GALNT13: variants seen among roughly 807,000 people sequenced by gnomAD.
The protein encoded by GALNT13 is UDP-GalNAc:polypeptide N-acetylgalactosaminyltransferase 13.
Under a neutral mutation model 64.2 loss-of-function variants are expected in GALNT13, and 28 were observed. The ratio of observed to expected loss-of-function variants is 0.44; its 90% CI spans 0.32 to 0.60. GALNT13 has a LOEUF of 0.60. Ranked by LOEUF, GALNT13 falls within the 20% of genes least tolerant of loss-of-function variation. The pLI is 0.05. For missense variants in GALNT13, 577 were observed against 669.8 expected, an observed-to-expected ratio of 0.86 and a Z score of 1.53; for synonymous variants, 214 against 224.6, an observed-to-expected ratio of 0.95 and a Z score of 0.42.
At chr2:153,452,592 T>TCATA in the GALNT13 span, among the ~76,000 whole-genome samples, 1 of 151,828 alleles carries the variant, frequency 6.6e-6, no homozygotes, top group Admixed American at 6.6e-5. Flanking sequence ...ATCATTTAAA[T>TCATA]CATAATAGAA....
chr2:153,574,839 C>A, the GALNT13 span, among the ~76,000 whole-genome samples: 1 of 151,534 alleles, frequency 6.6e-6, no homozygotes, highest in Admixed American at 6.6e-5. Flanking sequence ...TGAAGGATTG[C>A]ATATTTCTGT....
chr2:154,248,614 A>G (rs1689909526), intron 7 of GALNT13, among the ~76,000 whole-genome samples: 2 of 152,172 alleles, frequency 1.3e-5, no homozygotes, highest in African/African-American at 4.8e-5. Flanking sequence ...AATTACCAAC[A>G]CTTTAAAAAT....
At chr2:153,490,708 C>T in the GALNT13 span, among the ~76,000 whole-genome samples, 1 of 152,080 alleles carries the variant, frequency 6.6e-6, no homozygotes, top group Non-Finnish European at 1.5e-5. Flanking sequence ...ACCTGTAATC[C>T]CAGCACTCTG....
At chr2:153,912,250 A>G (rs1013048490) in intron 2 of GALNT13, among the ~76,000 whole-genome samples, 1 of 152,018 alleles carries the variant, frequency 6.6e-6, no homozygotes, top group African/African-American at 2.4e-5. Context: ...TTTCAGCTCT[A>G]TAAGGTCAGC....
chr2:153,651,475 A>T, the GALNT13 span, among the ~76,000 whole-genome samples: 1 of 152,168 alleles, frequency 6.6e-6, no homozygotes, highest in East Asian at 1.9e-4. Context: ...TTGTTCTTTC[A>T]ATATCTCAGC....
the GALNT13 span, among the ~76,000 whole-genome samples, chr2:153,175,352 C>G: frequency 2.1e-3 from 323 of 152,222 alleles, 2 homozygotes; most frequent in African/African-American, 7.4e-3. Flanking sequence ...AAGAGAGAGA[C>G]AGAATGGGGG....
chr2:153,754,834 C>G, the GALNT13 span, among the ~76,000 whole-genome samples: 213 of 152,252 alleles, frequency 1.4e-3, 3 homozygotes, highest in Non-Finnish European at 3.4e-4. Flanking sequence ...CCCACAATGG[C>G]AAGGCTTTCA....
the GALNT13 span, among the ~76,000 whole-genome samples, chr2:153,502,420 G>T: frequency 9.9e-5 from 15 of 152,174 alleles, no homozygotes; most frequent in African/African-American, 3.6e-4. Flanking sequence ...CCATTGTTTT[G>T]TTCCTTTTTA....
chr2:153,856,247 G>GAGA, the GALNT13 span, among the ~76,000 whole-genome samples: 1 of 1,654 alleles, frequency 6.0e-4, no homozygotes, highest in Non-Finnish European at 1.0e-3. Flanking sequence ...CAATAAAGCT[G>GAGA]TGATAGGTAG....
chr2:153,918,640 C>A (rs1234398568), intron 2 of GALNT13, among the ~76,000 whole-genome samples: 1 of 152,122 alleles, frequency 6.6e-6, no homozygotes, highest in African/African-American at 2.4e-5. Flanking sequence ...CCAATTCTTT[C>A]ATCAGTGCTC....
chr2:154,017,080 A>G (rs1558909888), intron 3 of GALNT13, among the ~76,000 whole-genome samples: 1 of 152,190 alleles, frequency 6.6e-6, no homozygotes, highest in Non-Finnish European at 1.5e-5. Flanking sequence ...TGAGGAACCC[A>G]CAATCTTGGG....
the GALNT13 span, among the ~76,000 whole-genome samples, chr2:153,120,886 C>T: frequency 6.6e-6 from 1 of 152,064 alleles, no homozygotes; most frequent in East Asian, 1.9e-4. Flanking sequence ...CGTGATGTAT[C>T]TAGGAAAAAT....
At chr2:153,889,090 C>T (rs187630656) in intron 1 of GALNT13, among the ~76,000 whole-genome samples, 10 of 150,494 alleles carry the variant, frequency 6.6e-5, no homozygotes, top group Admixed American at 3.3e-4. Flanking sequence ...TTCTGCAAAG[C>T]GCTCCTATGG....
the GALNT13 span, among the ~76,000 whole-genome samples, chr2:153,375,198 A>G: frequency 6.6e-6 from 1 of 151,780 alleles, no homozygotes; most frequent in South Asian, 2.1e-4. Context: ...ATCCATCTGG[A>G]TTTTCTTGTG....
At chr2:154,299,526 C>T (rs1693297812) in intron 8 of GALNT13, among the ~76,000 whole-genome samples, 1 of 149,710 alleles carries the variant, frequency 6.7e-6, no homozygotes, top group Non-Finnish European at 1.5e-5. Flanking sequence ...GTGATCTCAG[C>T]TCAGTGCAAC....
chr2:153,899,827 T>G (rs1363788184), intron 1 of GALNT13, among the ~76,000 whole-genome samples: 9 of 151,826 alleles, frequency 5.9e-5, no homozygotes, highest in Non-Finnish European at 1.3e-4. Context: ...TAAAGATGTT[T>G]GGTACTTAAG....
At chr2:154,074,174 G>A (rs914828795) in intron 3 of GALNT13, among the ~76,000 whole-genome samples, 1 of 151,806 alleles carries the variant, frequency 6.6e-6, no homozygotes, top group Non-Finnish European at 1.5e-5. Context: ...GGGTAAAAGT[G>A]TCCTAAGATA....
At chr2:153,410,279 G>C in the GALNT13 span, among the ~76,000 whole-genome samples, 1 of 151,972 alleles carries the variant, frequency 6.6e-6, no homozygotes, top group Non-Finnish European at 1.5e-5. Context: ...GGTAGGGGGA[G>C]AGAAAGGAGT....
intron 9 of GALNT13, among the ~76,000 whole-genome samples, chr2:154,336,509 GAA>G (rs1431852618): frequency 2.0e-5 from 3 of 152,108 alleles, no homozygotes; most frequent in Non-Finnish European, 4.4e-5. Flanking sequence ...AGCATGGAAA[GAA>G]ATGCAAAGTT....
Sources: allele counts gnomAD v4.1 joint callset (sites outside exome capture counted in the v4.1 genomes callset), GRCh38; gene constraint gnomAD v4.1.1; transcripts MANE v1.5; gene names NCBI Gene and HGNC (gene_info 2026-07-23, HGNC 2026-07-21).